SLC45A2: variants seen among roughly 807,000 people sequenced by gnomAD.
SLC45A2 encodes the protein solute carrier family 45 member 2.
A neutral mutation model predicts 45.5 loss-of-function variants in SLC45A2; 36 were observed. The ratio of observed to expected loss-of-function variants is 0.79; its 90% confidence interval spans 0.61 to 1.04. The LOEUF (loss-of-function observed/expected upper bound fraction) is 1.04. SLC45A2 is among the 50% of genes least tolerant of loss of function. SLC45A2 has a pLI of 0.00. For synonymous variants in SLC45A2, 306 were observed against 269.3 expected (o/e 1.14, Z -1.33); for missense variants, 719 against 671.0 (o/e 1.07, Z -0.79).
chr5:33,944,849 G>T lies in SLC45A2; in HGVS notation c.1392C>A (p.Asp464Glu), dbSNP rs558779498. 3 of 1,613,354 alleles carry T rather than the reference G, an allele frequency of 1.9e-6. No homozygotes were observed. Among genetic ancestry groups the T allele is most frequent in the South Asian group, 2.2e-5 (2 of 90,840 alleles). Residue 464 changes from aspartate to glutamate, a missense_variant, in exon 7 of 7, where the codon GAC (aspartate) becomes GAA (glutamate). By Grantham distance (45) the Asp-to-Glu change is conservative (BLOSUM62 2). Transcript: ENST00000296589. Reference sequence around the variant, plus strand: ...CCTTCCCTCTCACGCTGTTGTCTGGGTCCCCTCCTGGGGCCTGCTGCCTCT... The same window carrying T: ...CCTTCCCTCTCACGCTGTTGTCTGGTTCCCCTCCTGGGGCCTGCTGCCTCT... ...EKERQQAPGG[D>E]PDNSVRGKGM...
At position 33,948,193 on chromosome 5, in the gene SLC45A2, T is replaced by G. The variant is rs540011773; in HGVS notation, c.1157-819A>C. ...AATTAAGCAACAAGACAGGCTGAGC[T>G]GGAGACAGTTGACTTTTAACTGGGT... On this transcript the variant is annotated intron_variant, in intron 5 of 6. Coordinates refer to ENST00000296589, the MANE Select transcript of SLC45A2 (RefSeq NM_016180.5). 6.6e-5 allele frequency among the ~76,000 whole-genome samples: 10 copies of G among 152,370 alleles called. No individual in the cohort carries two copies. The South Asian group carries it at 2.1e-3, about 32-fold the overall frequency.
chr5:33,955,568 T>C (rs35391), intron 3 of SLC45A2, among the ~76,000 whole-genome samples: 122,542 of 152,128 alleles, frequency 0.81, 52,530 homozygotes, highest in Non-Finnish European at 0.97. Flanking sequence ...ATCCTAATGA[T>C]AGCAGAAACA....
Position 33,944,685 on chromosome 5 carries a change from C to A in SLC45A2, c.1556G>T (p.Cys519Phe), listed in dbSNP as rs765390989. Residue 519 changes from cysteine (C) to phenylalanine (F), a missense_variant, in exon 7 of 7, where the codon TGT becomes TTT. By Grantham distance (205) the Cys-to-Phe change is radical. Transcript: ENST00000296589. ...ITASAVALIGCCFVALFVRYV... is the reference protein window; with the variant it reads ...ITASAVALIGFCFVALFVRYV... ...TCTAACAAAGAGAGCGACAAAGCAA[C>A]AGCCTATCAGTGCCACCGCAGACGC... 6.2e-7 allele frequency: 1 copy of A among 1,614,108 alleles called. No individual in the cohort carries two copies. Among genetic ancestry groups the A allele is most frequent in the Admixed American group, 1.7e-5 (1 of 60,010 alleles).
In SLC45A2 at chr5:33,944,774, C is replaced by A. The variant is rs201771352; in HGVS notation, c.1467G>T (p.Leu489=). ...LTCMVQLAQI[L]VGGGLGFLVN... is the part of the protein sequence containing the mutation. ...CCAGAAAGCCCAGGCCACCTCCGAC[C>A]AGGATCTGAGCCAGCTGCACCATGC... Residue 489 remains leucine (L), a synonymous_variant, in exon 7 of 7, where the codon CTG becomes CTT. Transcript: ENST00000296589. The A allele has an allele frequency of 6.2e-7, 1 of 1,614,218 alleles. No homozygotes were observed. The highest frequency in any genetic ancestry group is 1.3e-5 in the African/African-American group (1 of 75,068).
At chr5:33,980,648 C>T (rs1753049332) in intron 2 of SLC45A2, among the ~76,000 whole-genome samples, 1 of 152,166 alleles carries the variant, frequency 6.6e-6, no homozygotes, top group African/African-American at 2.4e-5. Context: ...AACAAAACAA[C>T]AGGTCTGCTC....
rs1470593773 is a variant in SLC45A2 at position 33,963,667 on chromosome 5, A to C, written c.888+24T>G. On this transcript the variant is annotated intron_variant, in intron 3 of 6. Transcript: ENST00000296589. ...AAAGAGCAAGAATATTTTCCCTTGTAAAGAAAAAATGTTGCATCTTTACCT... is the reference window on the plus strand; with the variant it reads ...AAAGAGCAAGAATATTTTCCCTTGTCAAGAAAAAATGTTGCATCTTTACCT... The C allele has an allele frequency of 1.9e-6, 3 of 1,609,144 alleles. No homozygotes were observed. In the Admixed American group the frequency reaches 5.0e-5, roughly 27 times the overall value.
intron 3 of SLC45A2, among the ~76,000 whole-genome samples, chr5:33,958,698 C>G (rs1752349905): frequency 6.6e-6 from 1 of 152,012 alleles, no homozygotes; most frequent in African/African-American, 2.4e-5. Context: ...GTTTTTTAAA[C>G]CAAATAACAA....
At chr5:33,971,012 A>G in intron 2 of SLC45A2, 16 of 499,882 alleles carry the variant, frequency 3.2e-5, no homozygotes, top group South Asian at 2.4e-4. Flanking sequence ...GAAGGCCCTA[A>G]AAAGTGTTGG....
In SLC45A2 at chr5:33,947,233, A is replaced by G; in HGVS notation, c.1298T>C (p.Val433Ala). Residue 433 changes from valine to alanine, a missense_variant, in exon 6 of 7, where the codon GTA becomes GCA. Coordinates refer to ENST00000296589, the MANE Select transcript of SLC45A2 (RefSeq NM_016180.5). ...CACAGTGTACAGGGTGCTGGACATTACACCAAACAGGCTGCACAGGACCAG... is the reference window on the plus strand; with the variant it reads ...CACAGTGTACAGGGTGCTGGACATTGCACCAAACAGGCTGCACAGGACCAG... ...STLVLCSLFG[V>A]MSSTLYTVPF... The G allele has an allele frequency of 6.2e-7, 1 of 1,614,266 alleles. No homozygotes were observed. The highest frequency in any genetic ancestry group is 1.1e-5 in the South Asian group (1 of 91,084).
At chr5:33,953,853 G>T (rs1226475470) in intron 4 of SLC45A2, among the ~76,000 whole-genome samples, 2 of 105,666 alleles carry the variant, frequency 1.9e-5, no homozygotes, top group Admixed American at 1.1e-4. Flanking sequence ...CAAAATAAAA[G>T]GATGGAGGAA....
At chr5:33,972,334 C>G (rs550521174) in intron 2 of SLC45A2, 3 of 382,326 alleles carry the variant, frequency 7.8e-6, no homozygotes, top group South Asian at 7.1e-5. Flanking sequence ...TTGCTGCATC[C>G]AGGAAGATTA....
chr5:33,962,842 C>T (rs1752489572), intron 3 of SLC45A2, among the ~76,000 whole-genome samples: 2 of 152,182 alleles, frequency 1.3e-5, no homozygotes, highest in African/African-American at 4.8e-5. Flanking sequence ...AAGATTTGAA[C>T]TTAAGTCTTC....
chr5:33,973,251 C>A (rs1752836053), intron 2 of SLC45A2, among the ~76,000 whole-genome samples: 1 of 152,164 alleles, frequency 6.6e-6, no homozygotes, highest in South Asian at 2.1e-4. Context: ...GTGTTGATCC[C>A]ATTTGAATGG....
chr5:33,976,790 T>C (rs1002457651), intron 2 of SLC45A2, among the ~76,000 whole-genome samples: 1 of 152,156 alleles, frequency 6.6e-6, no homozygotes, highest in Non-Finnish European at 1.5e-5. Flanking sequence ...TTCTAGAATA[T>C]CTTCATTATG....
intron 2 of SLC45A2, among the ~76,000 whole-genome samples, chr5:33,967,876 T>G (rs1365434505): frequency 6.6e-6 from 1 of 151,826 alleles, no homozygotes; most frequent in African/African-American, 2.4e-5. Context: ...TCTTCCCCAT[T>G]GGTTCCTTTA....
chr5:33,946,275 A>G, intron 6 of SLC45A2: 1 of 985,388 alleles, frequency 1.0e-6, no homozygotes, highest in Non-Finnish European at 1.2e-6. Flanking sequence ...CTCTTTTTTG[A>G]AAGGTTTTTA....
chr5:33,944,901 G>C, intron 6 of SLC45A2, 29 bp from the exon 7 acceptor site: 1 of 1,588,152 alleles, frequency 6.3e-7, no homozygotes, highest in Non-Finnish European at 8.6e-7. Context: ...ACCACCATTT[G>C]ACCTACAAGG....
chr5:33,949,532 AAGGGC>A, intron 5 of SLC45A2, among the ~76,000 whole-genome samples: 1 of 152,158 alleles, frequency 6.6e-6, no homozygotes, highest in South Asian at 2.1e-4. Flanking sequence ...GGGAGTGAAA[AAGGGC>A]AAAGTATGAA....
rs545774796 is a variant in SLC45A2 at position 33,946,566 on chromosome 5, G to A, written c.1368+597C>T. On this transcript the variant is annotated intron_variant, in intron 6 of 6. Transcript: ENST00000296589. ...GCATAGGCGCTTGTTCACTAGTTGCGTTCCAAGGTTTAAATGGCACAGGTC... is the reference window on the plus strand; with the variant it reads ...GCATAGGCGCTTGTTCACTAGTTGCATTCCAAGGTTTAAATGGCACAGGTC... 34 of 990,618 alleles carry A rather than the reference G, an allele frequency of 3.4e-5. No homozygotes were observed. In the East Asian group the frequency reaches 2.7e-3, roughly 78 times the overall value. 61.4% of individuals were successfully genotyped at this position (990,618 alleles called of 1,614,324 possible).
Sources: allele counts gnomAD v4.1 joint callset (sites outside exome capture counted in the v4.1 genomes callset), GRCh38; gene constraint gnomAD v4.1.1; transcripts MANE v1.5; gene names NCBI Gene and HGNC (gene_info 2026-07-23, HGNC 2026-07-21).